The following SHC3 variants were observed in gnomAD, a reference collection of about 807,000 sequenced individuals.
SHC3 encodes SHC-transforming protein 3.
A neutral mutation model predicts 60.4 loss-of-function variants in SHC3; 15 were observed. That is an observed-to-expected ratio of 0.25 (90% CI 0.17 to 0.38). The LOEUF (loss-of-function observed/expected upper bound fraction) is 0.38, where lower values mean the gene tolerates loss of function less well. Ranked by LOEUF, SHC3 falls within the 10% of genes least tolerant of loss-of-function variation. The probability of loss-of-function intolerance (pLI) is 1.00; values close to 1 mark genes in which losing one functional copy is unlikely to be tolerated. For missense variants in SHC3, 677 were observed against 786.1 expected (o/e 0.86, Z 1.66); for synonymous variants, 294 against 325.9 (o/e 0.90, Z 1.05).
intron 1 of SHC3, among the ~76,000 whole-genome samples, chr9:89,117,566 C>G (rs1000369131): frequency 6.6e-6 from 1 of 151,938 alleles, no homozygotes; most frequent in African/African-American, 2.4e-5. Flanking sequence ...TACATTTTAT[C>G]TGACAAAAAT....
At chr9:89,171,078 C>G (rs963436318) in intron 1 of SHC3, among the ~76,000 whole-genome samples, 6 of 152,086 alleles carry the variant, frequency 3.9e-5, no homozygotes, top group African/African-American at 1.4e-4. Context: ...AAAGAACACT[C>G]AAAACAACTA....
At chr9:89,110,470 T>C (rs571602889) in intron 2 of SHC3, 1 of 984,682 alleles carries the variant, frequency 1.0e-6, no homozygotes, top group East Asian at 1.1e-4. Flanking sequence ...CACAGGTATG[T>C]TGAACACTTA....
intron 10 of SHC3, 106 bp downstream of exon 10, chr9:89,041,919 CA>C: frequency 2.8e-6 from 4 of 1,432,858 alleles, no homozygotes; most frequent in Non-Finnish European, 3.8e-6. Context: ...CACCATTAAC[CA>C]AAACCCTACT....
rs79146968 is a variant in SHC3 at position 89,016,364 on chromosome 9, C to G, written c.1657-2789G>C. 9.4e-3 allele frequency among the ~76,000 whole-genome samples: 1,434 copies of G among 152,156 alleles called. 12 individuals are homozygous for G. The highest frequency in any genetic ancestry group is 0.033 in the African/African-American group (1,366 of 41,498). On this transcript the variant is annotated intron_variant, in intron 11 of 11. Coordinates refer to ENST00000375835, the MANE Select transcript of SHC3 (RefSeq NM_016848.6). ...TATGATAGGTTTATTGGGATGTAAG[C>G]TCATCCTAGGTTGAGGAACATCTGT... is the stretch of plus-strand genomic sequence containing the variant.
chr9:89,028,878 T>A (rs1824421642), intron 11 of SHC3, among the ~76,000 whole-genome samples: 1 of 147,682 alleles, frequency 6.8e-6, no homozygotes, highest in Non-Finnish European at 1.5e-5. Flanking sequence ...TAGATATATA[T>A]CTAGATATAA....
intron 4 of SHC3, among the ~76,000 whole-genome samples, chr9:89,072,296 G>A (rs1004606000): frequency 6.6e-6 from 1 of 152,136 alleles, no homozygotes; most frequent in Admixed American, 6.6e-5. Flanking sequence ...CGAGGCCAGG[G>A]TCTTAACAAC....
At chr9:89,092,776 G>GTA (rs1344056488) in intron 2 of SHC3, among the ~76,000 whole-genome samples, 2 of 151,704 alleles carry the variant, frequency 1.3e-5, no homozygotes, top group African/African-American at 4.9e-5. Context: ...GTGTGTGTGT[G>GTA]TATACCAAAA....
intron 6 of SHC3, among the ~76,000 whole-genome samples, chr9:89,064,237 G>A (rs146957035): frequency 2.0e-5 from 3 of 152,162 alleles, no homozygotes; most frequent in Non-Finnish European, 2.9e-5. Context: ...TGGGGGTGAC[G>A]TGAATATTCA....
chr9:89,177,556 GAC>G (rs1826958886), intron 1 of SHC3, among the ~76,000 whole-genome samples: 1 of 152,218 alleles, frequency 6.6e-6, no homozygotes, highest in South Asian at 2.1e-4. Context: ...CGCCGGGGAA[GAC>G]ACAGCAGGAG....
chr9:89,049,751 G>A (rs1325785826), intron 7 of SHC3, among the ~76,000 whole-genome samples: 3 of 152,168 alleles, frequency 2.0e-5, no homozygotes, highest in Non-Finnish European at 4.4e-5. Context: ...GCCAATCACC[G>A]AGTTTTGGCC....
In SHC3 at chr9:89,042,178, G is replaced by A. The variant is rs779671405; in HGVS notation, c.1208C>T (p.Ser403Leu). The A allele has an allele frequency of 3.0e-5, 45 of 1,508,248 alleles. No homozygotes were observed. The highest frequency in any genetic ancestry group is 3.4e-5 in the Non-Finnish European group (39 of 1,134,658). 93.4% of individuals were successfully genotyped at this position (1,508,248 alleles called of 1,614,324 possible). Reference sequence around the variant, plus strand: ...CCCTTCTGGCGTGCTGTAGATGTCCGAGGACCCTGCAACAAGAAAGTGAGC... The same window carrying A: ...CCCTTCTGGCGTGCTGTAGATGTCCAAGGACCCTGCAACAAGAAAGTGAGC... ...WQQTPLRQGS[S>L]DIYSTPEGKL... is the part of the protein sequence containing the mutation. Residue 403 changes from serine (S) to leucine (L), a missense_variant, in exon 10 of 12, where the codon TCG becomes TTG. Ser to Leu is a moderately radical substitution (Grantham distance 145). Coordinates refer to ENST00000375835, the MANE Select transcript of SHC3 (RefSeq NM_016848.6).
At chr9:89,068,911 T>C (rs1175506516) in intron 5 of SHC3, among the ~76,000 whole-genome samples, 1 of 152,148 alleles carries the variant, frequency 6.6e-6, no homozygotes, top group African/African-American at 2.4e-5. Context: ...TCCTCCAAAT[T>C]TAAGAAACTA....
chr9:89,158,954 G>T (rs1826666067), intron 1 of SHC3, among the ~76,000 whole-genome samples: 1 of 152,180 alleles, frequency 6.6e-6, no homozygotes, highest in South Asian at 2.1e-4. Flanking sequence ...CCTGAATTTT[G>T]ATGACAGAGG....
intron 11 of SHC3, among the ~76,000 whole-genome samples, chr9:89,033,600 T>C: frequency 6.6e-6 from 1 of 152,234 alleles, no homozygotes; most frequent in East Asian, 1.9e-4. Context: ...TGTTTGTTCA[T>C]CAAATGCTTG....
chr9:89,136,503 A>G (rs1373922491), intron 1 of SHC3, among the ~76,000 whole-genome samples: 2 of 152,214 alleles, frequency 1.3e-5, no homozygotes, highest in Non-Finnish European at 2.9e-5. Context: ...ATGACAGTTT[A>G]CAAATGCCAG....
intron 11 of SHC3, among the ~76,000 whole-genome samples, chr9:89,023,101 G>A (rs764930364): frequency 1.6e-4 from 24 of 152,196 alleles, no homozygotes; most frequent in Non-Finnish European, 2.4e-4. Flanking sequence ...GGCAGGCGCA[G>A]GCTTCCTCTA....
At chr9:89,039,389 C>G (rs1038209609) in intron 10 of SHC3, among the ~76,000 whole-genome samples, 15 of 152,196 alleles carry the variant, frequency 9.9e-5, no homozygotes, top group African/African-American at 3.4e-4. Context: ...TAATCTTTGA[C>G]AGATTTGGAG....
intron 7 of SHC3, among the ~76,000 whole-genome samples, chr9:89,051,173 T>C (rs189498221): frequency 6.6e-6 from 1 of 152,184 alleles, no homozygotes; most frequent in African/African-American, 2.4e-5. Flanking sequence ...CATAGAAGAA[T>C]GTGGCTTTAG....
chr9:89,020,582 A>G (rs1826183583), intron 11 of SHC3, among the ~76,000 whole-genome samples: 1 of 152,154 alleles, frequency 6.6e-6, no homozygotes, highest in South Asian at 2.1e-4. Context: ...CTAAACTATC[A>G]CCAGCAACAG....
Sources: gnomAD v4.1 joint callset for allele counts (sites outside exome capture counted in the v4.1 genomes callset) on GRCh38, gnomAD v4.1.1 for gene constraint, MANE v1.5 for transcripts, NCBI Gene and HGNC (gene_info 2026-07-23, HGNC 2026-07-21) for gene names.